GPHN: variants seen among roughly 807,000 people sequenced by gnomAD.
GPHN encodes gephyrin.
Under a neutral mutation model 95.5 loss-of-function variants are expected in GPHN, and 17 were observed. The ratio of observed to expected loss-of-function variants is 0.18; its 90% CI spans 0.12 to 0.27. GPHN has a LOEUF of 0.27. Ranked by LOEUF, GPHN falls within the 10% of genes least tolerant of loss-of-function variation. GPHN has a pLI of 1.00. For synonymous variants in GPHN, 320 were observed against 322.5 expected, an observed-to-expected ratio of 0.99 and a Z score of 0.08; for missense variants, 660 against 978.1, an observed-to-expected ratio of 0.67 and a Z score of 4.34.
the GPHN span, among the ~76,000 whole-genome samples, chr14:67,362,691 G>C: frequency 6.6e-6 from 1 of 152,000 alleles, no homozygotes; most frequent in African/African-American, 2.4e-5. Context: ...CTGTGAAAAA[G>C]ATAAAGAGGT....
chr14:67,075,060 A>T (rs1247755934), intron 11 of GPHN, among the ~76,000 whole-genome samples: 1 of 152,188 alleles, frequency 6.6e-6, no homozygotes, highest in Non-Finnish European at 1.5e-5. Flanking sequence ...GCCTTCTAGG[A>T]CTTTCATTGC....
intron 1 of GPHN, among the ~76,000 whole-genome samples, chr14:66,586,343 T>C (rs1427318628): frequency 1.3e-5 from 2 of 152,204 alleles, no homozygotes; most frequent in Non-Finnish European, 2.9e-5. Flanking sequence ...CTGTATCCAG[T>C]TTACCAGTCT....
chr14:67,217,240 G>A, the GPHN span, among the ~76,000 whole-genome samples: 1 of 151,518 alleles, frequency 6.6e-6, no homozygotes, highest in African/African-American at 2.4e-5. Flanking sequence ...CTTGACTTTG[G>A]TTTCCATTTG....
chr14:66,586,465 G>A (rs1002542741), intron 1 of GPHN, among the ~76,000 whole-genome samples: 28 of 152,276 alleles, frequency 1.8e-4, no homozygotes, highest in African/African-American at 6.7e-4. Flanking sequence ...GTTAGTTGAT[G>A]CAGTTTCTTC....
At chr14:67,030,197 A>G (rs1317148739) in intron 10 of GPHN, among the ~76,000 whole-genome samples, 2 of 151,908 alleles carry the variant, frequency 1.3e-5, no homozygotes, top group African/African-American at 2.4e-5. Flanking sequence ...TTTCTTAAAT[A>G]TTACACAAGT....
intron 1 of GPHN, among the ~76,000 whole-genome samples, chr14:66,614,097 C>G (rs960717459): frequency 6.6e-6 from 1 of 152,080 alleles, no homozygotes; most frequent in African/African-American, 2.4e-5. Flanking sequence ...TGTGCACAAA[C>G]GTTGGAGCTA....
chr14:67,374,465 C>T, the GPHN span: 3 of 1,584,178 alleles, frequency 1.9e-6, no homozygotes, highest in Non-Finnish European at 1.7e-6. Context: ...TTTTTTTGTA[C>T]AGGATATATT....
chr14:67,661,078 G>C, the GPHN span, among the ~76,000 whole-genome samples: 1 of 151,986 alleles, frequency 6.6e-6, no homozygotes, highest in South Asian at 2.1e-4. Context: ...TTGAAACACT[G>C]ATCTTCAACA....
chr14:67,323,190 GTAT>G, the GPHN span, among the ~76,000 whole-genome samples: 1 of 149,494 alleles, frequency 6.7e-6, no homozygotes, highest in African/African-American at 2.5e-5. Flanking sequence ...TATATAATAT[GTAT>G]TATATGTGTA....
At chr14:67,725,145 T>G in the GPHN span, 1 of 1,614,200 alleles carries the variant, frequency 6.2e-7, no homozygotes, top group Non-Finnish European at 8.5e-7. Flanking sequence ...AGGGGGAGTC[T>G]GCTGCCAGTG....
the GPHN span, chr14:67,320,188 G>A: frequency 1.6e-5 from 25 of 1,578,562 alleles, no homozygotes; most frequent in Non-Finnish European, 2.0e-5. Flanking sequence ...TTAATACATG[G>A]CCATAATTTT....
At chr14:67,134,885 CT>C (rs1452179767) in intron 17 of GPHN, among the ~76,000 whole-genome samples, 1 of 125,438 alleles carries the variant, frequency 8.0e-6, no homozygotes, top group Admixed American at 8.0e-5. Flanking sequence ...TCTTTTCTTT[CT>C]TTTTTCTTCT....
chr14:67,090,377 C>T lies in GPHN; in HGVS notation c.1237+1302C>T, dbSNP rs539952180. ...GGCACCACAAGAAGAAAATTTGATA[C>T]CTGACCTCATGTGAAGGGTCACCAT... On this transcript the variant is annotated intron_variant, in intron 12 of 22. Transcript: ENST00000478722. 2.0e-5 allele frequency among the ~76,000 whole-genome samples: 3 copies of T among 152,070 alleles called. No individual in the cohort carries two copies. In the South Asian group the frequency reaches 6.2e-4, roughly 32 times the overall value.
rs369422536 is a variant in GPHN at position 66,723,982 on chromosome 14, T to TACACACACAC, written c.143+42800_143+42801insCACACACACA. ...AAATATCACAAATCTATGTCATGCATACATACACACACACACACACACACA... is the reference window on the plus strand; with the variant it reads ...AAATATCACAAATCTATGTCATGCATACACACACACACATACACACACACACACACACACA... On this transcript the variant is annotated intron_variant, in intron 2 of 22. Coordinates refer to ENST00000478722, the MANE Select transcript of GPHN (RefSeq NM_020806.5). Among the ~76,000 whole-genome samples, 609 of 143,214 alleles carry TACACACACAC rather than the reference T, an allele frequency of 4.3e-3. 6 individuals are homozygous for TACACACACAC. Among genetic ancestry groups the TACACACACAC allele is most frequent in the Non-Finnish European group, 5.5e-3 (355 of 64,950 alleles). The allele number at this position is 143,214 out of a possible 152,430, so 94.0% of individuals were successfully genotyped here.
At chr14:67,259,945 T>C in the GPHN span, among the ~76,000 whole-genome samples, 8 of 152,160 alleles carry the variant, frequency 5.3e-5, no homozygotes, top group Admixed American at 3.9e-4. Flanking sequence ...TCTTCTACTT[T>C]AACTTTCTGT....
chr14:66,525,899 T>C (rs2058671619), intron 1 of GPHN, among the ~76,000 whole-genome samples: 1 of 152,210 alleles, frequency 6.6e-6, no homozygotes, highest in Admixed American at 6.5e-5. Flanking sequence ...CCTTGTAGTA[T>C]AGTTTGAAGT....
the GPHN span, chr14:67,729,222 A>AGGCACTGCGTCCGCTCTGAGCT: frequency 6.2e-7 from 1 of 1,612,094 alleles, no homozygotes; most frequent in South Asian, 1.1e-5. Context: ...CAGTGCACCC[A>AGGCACTGCGTCCGCTCTGAGCT]GGCGTCGTCC....
At chr14:66,612,696 A>C (rs147946452) in intron 1 of GPHN, among the ~76,000 whole-genome samples, 453 of 152,154 alleles carry the variant, frequency 3.0e-3, no homozygotes, top group African/African-American at 0.011. Context: ...CTTTCTCTCC[A>C]GAAACTTTCT....
chr14:67,566,819 T>C, the GPHN span, among the ~76,000 whole-genome samples: 1 of 146,798 alleles, frequency 6.8e-6, no homozygotes, highest in East Asian at 2.0e-4. Flanking sequence ...AGAGAGAGGG[T>C]GGAGGAGGAG....
Sources: gnomAD v4.1 joint callset for allele counts (sites outside exome capture counted in the v4.1 genomes callset) on GRCh38, gnomAD v4.1.1 for gene constraint, MANE v1.5 for transcripts, NCBI Gene and HGNC (gene_info 2026-07-23, HGNC 2026-07-21) for gene names.